Variants in NRXN1 observed in about 807,000 individuals in gnomAD.
NRXN1 encodes neurexin 1.
In NRXN1, 39 loss-of-function variants were observed where a neutral mutation model predicts 150.9. The observed-to-expected ratio is 0.26, with a 90% CI of 0.20 to 0.34. The LOEUF is 0.34. NRXN1 is among the 10% of genes least tolerant of loss of function. The probability of loss-of-function intolerance (pLI) is 1.00; values close to 1 mark genes in which losing one functional copy is unlikely to be tolerated. For missense variants in NRXN1, 1,815 were observed against 1,949.9 expected, an observed-to-expected ratio of 0.93 and a Z score of 1.30; for synonymous variants, 924 against 757.0, an observed-to-expected ratio of 1.22 and a Z score of -3.62.
chr2:50,119,140 G>A (rs1703492260), intron 18 of NRXN1, among the ~76,000 whole-genome samples: 1 of 152,112 alleles, frequency 6.6e-6, no homozygotes, highest in East Asian at 1.9e-4. Flanking sequence ...ATTAACATAC[G>A]GGAATTTAAT....
chr2:50,428,427 G>C (rs755456831), intron 17 of NRXN1, among the ~76,000 whole-genome samples: 9 of 151,958 alleles, frequency 5.9e-5, no homozygotes, highest in Non-Finnish European at 1.2e-4. Flanking sequence ...ACACAAAAAA[G>C]GTAAATTGTA....
At chr2:50,410,038 C>T (rs1023966619) in intron 17 of NRXN1, among the ~76,000 whole-genome samples, 1 of 152,054 alleles carries the variant, frequency 6.6e-6, no homozygotes, top group Non-Finnish European at 1.5e-5. Context: ...CCACATTGAC[C>T]TTTTTGTCCT....
chr2:49,999,190 T>C (rs1403237491), intron 21 of NRXN1, among the ~76,000 whole-genome samples: 2 of 152,136 alleles, frequency 1.3e-5, no homozygotes, highest in African/African-American at 4.8e-5. Context: ...CTTTTTAGAA[T>C]TGTGTCTAGA....
intron 8 of NRXN1, among the ~76,000 whole-genome samples, chr2:50,600,325 T>C (rs1676040433): frequency 6.8e-6 from 1 of 146,464 alleles, no homozygotes; most frequent in South Asian, 2.2e-4. Context: ...GACTAGCTTT[T>C]TTTTTTTTTT....
chr2:50,772,916 G>C (rs890316994), intron 5 of NRXN1, among the ~76,000 whole-genome samples: 3 of 152,048 alleles, frequency 2.0e-5, no homozygotes, highest in Non-Finnish European at 4.4e-5. Context: ...GCCCTACAAA[G>C]AGAAACAAAA....
At chr2:50,024,564 G>A (rs1156701897) in intron 21 of NRXN1, among the ~76,000 whole-genome samples, 2 of 152,054 alleles carry the variant, frequency 1.3e-5, no homozygotes, top group Non-Finnish European at 2.9e-5. Context: ...AAGTTTGAGT[G>A]CAGAGAATCA....
chr2:50,518,455 T>C (rs1000530889), intron 12 of NRXN1, among the ~76,000 whole-genome samples: 5 of 151,968 alleles, frequency 3.3e-5, no homozygotes, highest in African/African-American at 1.2e-4. Flanking sequence ...ATTCAGTGTT[T>C]GTGTAGTGTT....
At chr2:50,887,116 T>C (rs1461176318) in intron 5 of NRXN1, among the ~76,000 whole-genome samples, 1 of 151,490 alleles carries the variant, frequency 6.6e-6, no homozygotes, top group East Asian at 1.9e-4. Flanking sequence ...TGCAAGTTAC[T>C]AGTTTTATTT....
At chr2:50,527,700 C>A (rs2092993378) in intron 12 of NRXN1, among the ~76,000 whole-genome samples, 1 of 152,038 alleles carries the variant, frequency 6.6e-6, no homozygotes, top group Admixed American at 6.6e-5. Context: ...CAGAGGATGC[C>A]TTATTGCCAC....
chr2:50,809,915 C>G (rs1490541351), intron 5 of NRXN1, among the ~76,000 whole-genome samples: 1 of 152,248 alleles, frequency 6.6e-6, no homozygotes, highest in African/African-American at 2.4e-5. Flanking sequence ...TGTCAATTTT[C>G]TATATAAAAA....
At position 49,939,218 on chromosome 2, in the gene NRXN1, C is replaced by T. The variant is rs78173418; in HGVS notation, c.4216+4486G>A. 6.2e-3 allele frequency among the ~76,000 whole-genome samples: 942 copies of T among 152,240 alleles called. 28 individuals carry two copies. Among genetic ancestry groups the T allele is most frequent in the East Asian group, 0.051 (265 of 5,182 alleles). ...GCTGGAGCAATAACTCCAGCAATCA[C>T]AATTTTTTTCTCTAGGCTGAGAAAA... On this transcript the variant is annotated intron_variant, in intron 22 of 22. Coordinates refer to ENST00000401669, the MANE Select transcript of NRXN1 (RefSeq NM_001330078.2).
chr2:49,956,955 T>G (rs1281514327), intron 21 of NRXN1, among the ~76,000 whole-genome samples: 3 of 152,112 alleles, frequency 2.0e-5, no homozygotes, highest in Non-Finnish European at 4.4e-5. Flanking sequence ...ATTGGCAGCT[T>G]TTAACGGTTC....
At chr2:50,931,395 T>C (rs769696130) in intron 2 of NRXN1, among the ~76,000 whole-genome samples, 15 of 152,140 alleles carry the variant, frequency 9.9e-5, no homozygotes, top group East Asian at 1.9e-4. Context: ...CTAAACCACA[T>C]TGTAAAAAGG....
At chr2:50,345,502 T>C (rs976007872) in intron 17 of NRXN1, among the ~76,000 whole-genome samples, 8 of 152,066 alleles carry the variant, frequency 5.3e-5, no homozygotes, top group Admixed American at 3.3e-4. Flanking sequence ...AAAATGGATA[T>C]AAAAAAAGTG....
At chr2:49,944,108 G>C (rs1672477331) in intron 21 of NRXN1, among the ~76,000 whole-genome samples, 1 of 152,190 alleles carries the variant, frequency 6.6e-6, no homozygotes, top group African/African-American at 2.4e-5. Flanking sequence ...AGAAACAGAT[G>C]ATTTGAAATT....
chr2:50,741,019 T>C (rs1460053574), intron 5 of NRXN1, among the ~76,000 whole-genome samples: 1 of 152,122 alleles, frequency 6.6e-6, no homozygotes, highest in Non-Finnish European at 1.5e-5. Flanking sequence ...AATTACTCCT[T>C]CTGTCTGTCA....
chr2:50,211,955 T>C (rs80216511), intron 18 of NRXN1, among the ~76,000 whole-genome samples: 20,537 of 151,568 alleles, frequency 0.14, 1,622 homozygotes, highest in African/African-American at 0.21. Context: ...GCATTTCCTT[T>C]GGCTCATTCA....
intron 16 of NRXN1, among the ~76,000 whole-genome samples, chr2:50,469,605 A>C (rs747032904): frequency 3.3e-5 from 5 of 151,494 alleles, no homozygotes; most frequent in Non-Finnish European, 7.4e-5. Flanking sequence ...ATCCTAAAAA[A>C]TGTGTGAATC....
At chr2:50,274,425 T>C (rs2070152561) in intron 17 of NRXN1, among the ~76,000 whole-genome samples, 1 of 152,144 alleles carries the variant, frequency 6.6e-6, no homozygotes, top group Admixed American at 6.5e-5. Context: ...GGGATAGCAT[T>C]AGGAGAAGTA....
Sources: gnomAD v4.1 joint callset for allele counts (sites outside exome capture counted in the v4.1 genomes callset) on GRCh38, gnomAD v4.1.1 for gene constraint, MANE v1.5 for transcripts, NCBI Gene and HGNC (gene_info 2026-07-23, HGNC 2026-07-21) for gene names.